Variants in MEI4 observed in about 807,000 individuals in gnomAD.
MEI4 encodes meiotic double-stranded break formation protein 4.
In MEI4, 27 loss-of-function variants were observed where a neutral mutation model predicts 31.4. The observed-to-expected ratio is 0.86, with a 90% confidence interval of 0.63 to 1.19. The LOEUF (loss-of-function observed/expected upper bound fraction) is 1.19, where lower values mean the gene tolerates loss of function less well. Among genes scored for constraint, MEI4 ranks in the 50% most tolerant of loss-of-function variants. MEI4 has a pLI of 0.00. For missense variants in MEI4, 329 were observed against 398.9 expected (o/e 0.82, Z 1.49); for synonymous variants, 122 against 145.4 (o/e 0.84, Z 1.16).
rs145123664 is a variant in MEI4, at chr6:77,758,264, A to G, written c.233-2866A>G. Among the ~76,000 whole-genome samples, 826 of 151,848 alleles carry G rather than the reference A, an allele frequency of 5.4e-3. 3 individuals carry two copies. Among genetic ancestry groups the G allele is most frequent in the Non-Finnish European group, 7.0e-3 (473 of 67,952 alleles). On this transcript the variant is annotated intron_variant, in intron 2 of 4. Coordinates refer to ENST00000684080, the MANE Select transcript of MEI4 (RefSeq NM_001322247.2). ...TACTTTTTGAACTTTCTGCATTATCATTGTCTCCTTTTAATTATCTCCTTT... is the reference window on the plus strand; with the variant it reads ...TACTTTTTGAACTTTCTGCATTATCGTTGTCTCCTTTTAATTATCTCCTTT...
chr6:77,745,704 G>C (rs975144151), intron 2 of MEI4, among the ~76,000 whole-genome samples: 1 of 151,924 alleles, frequency 6.6e-6, no homozygotes, highest in Non-Finnish European at 1.5e-5. Context: ...TTCCAAAATT[G>C]ACCACATACT....
Position 77,663,953 on chromosome 6 carries a change from C to T in MEI4, c.-15+10861C>T, listed in dbSNP as rs1413286834. Among the ~76,000 whole-genome samples the T allele has an allele frequency of 1.2e-4, 19 of 152,112 alleles. No individual in the cohort carries two copies. In the East Asian group the frequency reaches 1.6e-3, roughly 12 times the overall value. Reference sequence around the variant, plus strand: ...AGTGGGGTCCCACACAGATGGGACGCGGCTTAAGAGGAATCCCGGGCTGCG... The same window carrying T: ...AGTGGGGTCCCACACAGATGGGACGTGGCTTAAGAGGAATCCCGGGCTGCG... On this transcript the variant is annotated intron_variant, in intron 1 of 4. Transcript: ENST00000684080.
At chr6:77,736,353 C>A (rs921752373) in intron 2 of MEI4, among the ~76,000 whole-genome samples, 1 of 152,046 alleles carries the variant, frequency 6.6e-6, no homozygotes, top group African/African-American at 2.4e-5. Context: ...CGTTTTTAAG[C>A]CCGTTGGAAA....
chr6:77,694,279 C>T (rs973649233), intron 2 of MEI4, among the ~76,000 whole-genome samples: 12 of 151,508 alleles, frequency 7.9e-5, no homozygotes, highest in African/African-American at 2.7e-4. Context: ...ATTATTATTA[C>T]ACTTTAAGTT....
intron 3 of MEI4, among the ~76,000 whole-genome samples, chr6:77,804,663 G>A (rs1260353461): frequency 7.2e-5 from 11 of 152,006 alleles, no homozygotes; most frequent in Admixed American, 7.2e-4. Flanking sequence ...CTCTGTTCTA[G>A]AATCATTTGA....
chr6:77,773,221 C>T (rs997612255), intron 3 of MEI4, among the ~76,000 whole-genome samples: 4 of 151,826 alleles, frequency 2.6e-5, no homozygotes, highest in African/African-American at 7.3e-5. Context: ...CCACAAAAGA[C>T]CCAGAATAGC....
At chr6:77,919,819 C>G (rs1179502268) in intron 4 of MEI4, among the ~76,000 whole-genome samples, 1 of 149,074 alleles carries the variant, frequency 6.7e-6, no homozygotes, top group Admixed American at 6.8e-5. Context: ...AAGGGGATAT[C>G]ACCACCGATC....
intron 3 of MEI4, among the ~76,000 whole-genome samples, chr6:77,791,839 G>A (rs987495164): frequency 9.2e-5 from 14 of 152,026 alleles, no homozygotes; most frequent in African/African-American, 3.4e-4. Context: ...CTGTAATTAT[G>A]TAGTATAACC....
intron 3 of MEI4, among the ~76,000 whole-genome samples, chr6:77,767,083 T>TAAAC (rs564037520): frequency 6.6e-6 from 1 of 152,010 alleles, no homozygotes; most frequent in Non-Finnish European, 1.5e-5. Flanking sequence ...ATAGCTGTAT[T>TAAAC]AAACAAACAA....
chr6:77,771,027 T>C (rs956388858), intron 3 of MEI4, among the ~76,000 whole-genome samples: 1 of 152,088 alleles, frequency 6.6e-6, no homozygotes, highest in Non-Finnish European at 1.5e-5. Context: ...GAAAATATTT[T>C]CAATCTGTGC....
chr6:77,674,222 C>T (rs1768799530), intron 1 of MEI4, among the ~76,000 whole-genome samples: 1 of 152,050 alleles, frequency 6.6e-6, no homozygotes, highest in Non-Finnish European at 1.5e-5. Context: ...TGTTTAGGCC[C>T]TTGTTTTTAA....
At chr6:77,703,730 ATAGT>A (rs1308886875) in intron 2 of MEI4, among the ~76,000 whole-genome samples, 3 of 152,186 alleles carry the variant, frequency 2.0e-5, no homozygotes, top group African/African-American at 7.2e-5. Context: ...ATCCAGGTAG[ATAGT>A]TCTAGACTTT....
intron 4 of MEI4, among the ~76,000 whole-genome samples, chr6:77,899,829 T>C (rs1766152774): frequency 6.6e-6 from 1 of 152,064 alleles, no homozygotes; most frequent in Non-Finnish European, 1.5e-5. Context: ...TGCATTTAAA[T>C]TGATTCCATA....
intron 2 of MEI4, among the ~76,000 whole-genome samples, chr6:77,738,196 G>C (rs1420074365): frequency 6.6e-6 from 1 of 152,170 alleles, no homozygotes; most frequent in East Asian, 1.9e-4. Context: ...TAAAGGCAAA[G>C]GGAATTGTAT....
intron 2 of MEI4, among the ~76,000 whole-genome samples, chr6:77,715,936 C>T (rs919382388): frequency 2.0e-5 from 3 of 152,090 alleles, no homozygotes; most frequent in African/African-American, 7.2e-5. Flanking sequence ...TATTTTTACA[C>T]AGTTTTGTGA....
chr6:77,739,663 CT>C (rs1329007431), intron 2 of MEI4, among the ~76,000 whole-genome samples: 6 of 151,936 alleles, frequency 3.9e-5, no homozygotes, highest in Non-Finnish European at 8.8e-5. Context: ...CAGCAAACCA[CT>C]ATGGCACGTG....
At chr6:77,876,674 C>T (rs1450981944) in intron 4 of MEI4, among the ~76,000 whole-genome samples, 2 of 152,128 alleles carry the variant, frequency 1.3e-5, no homozygotes, top group African/African-American at 2.4e-5. Context: ...ATATTAGTTT[C>T]CTCTGCCTTC....
rs7740644 is a variant in MEI4 at position 77,923,362 on chromosome 6, A to G, written c.*16A>G. ...TAGAAAATAACTCCATTCCTTAGCAATTTACCACGTTTGAAGCATAATAAA... is the reference window on the plus strand; with the variant it reads ...TAGAAAATAACTCCATTCCTTAGCAGTTTACCACGTTTGAAGCATAATAAA... On this transcript the variant is annotated 3_prime_UTR_variant, in exon 5 of 5. Coordinates refer to ENST00000684080, the MANE Select transcript of MEI4 (RefSeq NM_001322247.2). 0.3 allele frequency: 367,739 copies of G among 1,227,216 alleles called. 57,539 individuals carry two copies. The highest frequency in any genetic ancestry group is 0.52 in the African/African-American group (33,664 of 64,162). The allele number at this position is 1,227,216 out of a possible 1,614,324, so 76.0% of individuals were successfully genotyped here. A position where few individuals can be genotyped will look rare whatever the true frequency, so the allele number is the denominator to read the frequency against.
chr6:77,926,208 C>T lies in MEI4; in HGVS notation c.*2862C>T, dbSNP rs1156775855. 6.6e-6 allele frequency: 1 copy of T among 151,964 alleles called. No homozygotes were observed. Among genetic ancestry groups the T allele is most frequent in the Non-Finnish European group, 1.5e-5 (1 of 67,956 alleles). 9.4% of individuals were successfully genotyped at this position (151,964 alleles called of 1,614,324 possible). The stretch of plus-strand genomic sequence containing the variant: ...CTTAACTATGAACCTTAAGGCACAA[C>T]AGTGGAAATTACTAGCTTATGATTA... On this transcript the variant is annotated 3_prime_UTR_variant, in exon 5 of 5. Coordinates refer to ENST00000684080, the MANE Select transcript of MEI4 (RefSeq NM_001322247.2).
Sources: gnomAD v4.1 joint callset for allele counts (sites outside exome capture counted in the v4.1 genomes callset) on GRCh38, gnomAD v4.1.1 for gene constraint, MANE v1.5 for transcripts, NCBI Gene and HGNC (gene_info 2026-07-23, HGNC 2026-07-21) for gene names.